SMAD3: variants seen among roughly 807,000 people sequenced by gnomAD.
SMAD3 encodes the protein MAD homolog 3.
SMAD3 carries 12 observed loss-of-function variants against 51.8 expected under a neutral mutation model. That is an observed-to-expected ratio of 0.23 (90% CI 0.15 to 0.38). SMAD3 has a LOEUF of 0.38. SMAD3 is among the 10% of genes least tolerant of loss of function. The pLI, the probability that SMAD3 is intolerant of heterozygous loss-of-function variation, is 1.00. For synonymous variants in SMAD3, 238 were observed against 227.7 expected, an observed-to-expected ratio of 1.05 and a Z score of -0.41; for missense variants, 294 against 565.6, an observed-to-expected ratio of 0.52 and a Z score of 4.87.
rs1334019641 is a variant in SMAD3, at chr15:67,194,328, G to A, written c.*3792G>A. On this transcript the variant is annotated 3_prime_UTR_variant, in exon 9 of 9. Transcript: ENST00000327367. ...AAGTGGGTAGGGAAAGCAGAAAAACGTACGCAAGAGGACATGGATCCAAAA... is the reference window on the plus strand; with the variant it reads ...AAGTGGGTAGGGAAAGCAGAAAAACATACGCAAGAGGACATGGATCCAAAA... 1.7e-5 allele frequency: 4 copies of A among 233,078 alleles called. No homozygotes were observed. Among genetic ancestry groups the A allele is most frequent in the East Asian group, 6.0e-5 (1 of 16,716 alleles). 14.4% of individuals were successfully genotyped at this position (233,078 alleles called of 1,614,324 possible). A position where few individuals can be genotyped will look rare whatever the true frequency, so the allele number is the denominator to read the frequency against.
chr15:67,070,672 A>G (rs1304572487), intron 1 of SMAD3, among the ~76,000 whole-genome samples: 1 of 150,712 alleles, frequency 6.6e-6, no homozygotes, highest in Non-Finnish European at 1.5e-5. Flanking sequence ...TATGAGATCT[A>G]GTATGGATGA....
intron 1 of SMAD3, among the ~76,000 whole-genome samples, chr15:67,131,102 C>T (rs1004097345): frequency 6.6e-6 from 1 of 152,200 alleles, no homozygotes; most frequent in African/African-American, 2.4e-5. Flanking sequence ...TCACTCACTC[C>T]ACAAATATTC....
At chr15:67,094,272 G>A (rs1222718311) in intron 1 of SMAD3, among the ~76,000 whole-genome samples, 1 of 152,178 alleles carries the variant, frequency 6.6e-6, no homozygotes, top group African/African-American at 2.4e-5. Flanking sequence ...CATCAAGATG[G>A]GAGGCGAAGC....
At chr15:67,150,204 C>G (rs1305647453) in intron 1 of SMAD3, among the ~76,000 whole-genome samples, 1 of 152,264 alleles carries the variant, frequency 6.6e-6, no homozygotes, top group South Asian at 2.1e-4. Flanking sequence ...CCGGTTGACC[C>G]GTTGCATGTT....
chr15:67,134,214 A>C (rs1961597710), intron 1 of SMAD3, among the ~76,000 whole-genome samples: 1 of 152,062 alleles, frequency 6.6e-6, no homozygotes, highest in Non-Finnish European at 1.5e-5. Context: ...CCACCAAGCC[A>C]GTCACCCACC....
rs149202238 is a variant in SMAD3 at position 67,193,426 on chromosome 15, C to G, written c.*2890C>G. The G allele has an allele frequency of 2.3e-4, 54 of 233,846 alleles. No individual in the cohort carries two copies. The highest frequency in any genetic ancestry group is 1.1e-3 in the African/African-American group (51 of 45,458). 14.5% of individuals were successfully genotyped at this position (233,846 alleles called of 1,614,324 possible). ...CAAGGAGCCAACTTTTATTCCCTTT[C>G]CTCTCTCCCCTCCCCACCTCGCTTC... On this transcript the variant is annotated 3_prime_UTR_variant, in exon 9 of 9. Transcript: ENST00000327367.
At chr15:67,138,027 A>G in intron 1 of SMAD3, 1 of 1,551,380 alleles carries the variant, frequency 6.4e-7, no homozygotes, top group Non-Finnish European at 8.7e-7. Flanking sequence ...CTTCACAAAC[A>G]TGTCTTGCCT....
intron 1 of SMAD3, among the ~76,000 whole-genome samples, chr15:67,105,019 C>T (rs1354754430): frequency 6.6e-6 from 1 of 152,238 alleles, no homozygotes; most frequent in African/African-American, 2.4e-5. Flanking sequence ...CTGGGGGTCT[C>T]TCAGTATCAA....
intron 1 of SMAD3, among the ~76,000 whole-genome samples, chr15:67,118,215 A>G (rs915706287): frequency 3.3e-5 from 5 of 152,244 alleles, no homozygotes; most frequent in African/African-American, 1.2e-4. Flanking sequence ...GGAACAAGTC[A>G]TCTGGTGTGG....
chr15:67,101,301 T>G (rs536784997), intron 1 of SMAD3, among the ~76,000 whole-genome samples: 1 of 152,320 alleles, frequency 6.6e-6, no homozygotes, highest in African/African-American at 2.4e-5. Flanking sequence ...AGTACCTAAT[T>G]TATGCTTACT....
intron 1 of SMAD3, among the ~76,000 whole-genome samples, chr15:67,095,939 A>G (rs1313762981): frequency 6.6e-6 from 1 of 152,210 alleles, no homozygotes; most frequent in Admixed American, 6.5e-5. Flanking sequence ...TGCCCCATTC[A>G]CATGTAGCAT....
At chr15:67,132,687 A>G (rs1595918751) in intron 1 of SMAD3, among the ~76,000 whole-genome samples, 1 of 152,152 alleles carries the variant, frequency 6.6e-6, no homozygotes, top group Admixed American at 6.5e-5. Context: ...AATAGGTTTG[A>G]GTTGTTGCCC....
intron 1 of SMAD3, among the ~76,000 whole-genome samples, chr15:67,158,025 G>A (rs1430380448): frequency 1.3e-5 from 2 of 152,164 alleles, no homozygotes; most frequent in African/African-American, 2.4e-5. Flanking sequence ...GAGGCCCAAC[G>A]GCAGGTTCCT....
chr15:67,072,649 C>G (rs1033406536), intron 1 of SMAD3, among the ~76,000 whole-genome samples: 1 of 152,198 alleles, frequency 6.6e-6, no homozygotes, highest in African/African-American at 2.4e-5. Flanking sequence ...GCTGAATGTG[C>G]AGGGGGTGGA....
intron 6 of SMAD3, among the ~76,000 whole-genome samples, chr15:67,182,996 A>ATAT (rs1429510155): frequency 5.8e-4 from 32 of 55,308 alleles, no homozygotes; most frequent in African/African-American, 8.2e-4. Context: ...TAAAAAAAAA[A>ATAT]AAAAATATAT....
intron 1 of SMAD3, among the ~76,000 whole-genome samples, chr15:67,113,095 T>TATATATATATATATATA (rs57818600): frequency 8.8e-5 from 8 of 91,094 alleles, no homozygotes; most frequent in South Asian, 4.2e-4. Context: ...TATATATATA[T>TATATATATATATATATA]TTTTTTGAGA....
chr15:67,158,315 G>A (rs998903759), intron 1 of SMAD3, among the ~76,000 whole-genome samples: 1 of 152,188 alleles, frequency 6.6e-6, no homozygotes, highest in Non-Finnish European at 1.5e-5. Flanking sequence ...TATTTTGAGT[G>A]GGGCAGAGGG....
At chr15:67,091,707 C>G (rs1384037552) in intron 1 of SMAD3, among the ~76,000 whole-genome samples, 1 of 152,078 alleles carries the variant, frequency 6.6e-6, no homozygotes, top group Non-Finnish European at 1.5e-5. Flanking sequence ...GGAAAGAAAA[C>G]ATAAGTTTAC....
chr15:67,110,821 C>G (rs149948789), intron 1 of SMAD3, among the ~76,000 whole-genome samples: 15 of 152,332 alleles, frequency 9.8e-5, no homozygotes, highest in Non-Finnish European at 1.8e-4. Flanking sequence ...CACAGAAAAA[C>G]TGTACACAGA....
Sources: allele counts gnomAD v4.1 joint callset (sites outside exome capture counted in the v4.1 genomes callset), GRCh38; gene constraint gnomAD v4.1.1; transcripts MANE v1.5; gene names NCBI Gene and HGNC (gene_info 2026-07-23, HGNC 2026-07-21).